Variants in WDR17 observed in about 807,000 individuals in gnomAD.
The protein encoded by WDR17 is WD repeat-containing protein 17.
WDR17 carries 143 observed loss-of-function variants against 161.7 expected under a neutral mutation model. The observed-to-expected ratio is 0.88, with a 90% CI of 0.77 to 1.02. The LOEUF (loss-of-function observed/expected upper bound fraction) is 1.02. Ranked by LOEUF, WDR17 falls within the 50% of genes least tolerant of loss-of-function variation. WDR17 has a pLI of 0.00. For missense variants in WDR17, 1,469 were observed against 1,520.9 expected (o/e 0.97, Z 0.57); for synonymous variants, 517 against 515.6 (o/e 1.00, Z -0.04).
intron 27 of WDR17, 41 bp from the exon 28 acceptor site, chr4:176,177,430 G>T: frequency 6.8e-7 from 1 of 1,478,584 alleles, no homozygotes; most frequent in South Asian, 1.4e-5. Context: ...AAAATTCTGT[G>T]ATTCGACAAA....
chr4:176,108,109 G>C (rs1310207696), intron 1 of WDR17, among the ~76,000 whole-genome samples: 3 of 151,816 alleles, frequency 2.0e-5, no homozygotes, highest in African/African-American at 7.3e-5. Flanking sequence ...CATGGTCATA[G>C]CGCACTGCAA....
At position 176,125,120 on chromosome 4, in the gene WDR17, A is replaced by G; in HGVS notation, c.555A>G (p.Lys185=). 6.2e-7 allele frequency: 1 copy of G among 1,613,964 alleles called. No homozygotes were observed. Among genetic ancestry groups the G allele is most frequent in the East Asian group, 2.2e-5 (1 of 44,876 alleles). ...TTTTAACAGGTAATAAAAATCAGAA[A>G]CATGTTTTGAGACCAGAATCTCTTG... ...SIFHPGNKNQ[K]HVLRPESLEG... is the part of the protein sequence containing the mutation. Residue 185 remains lysine, a synonymous_variant, in exon 5 of 29, where the codon AAA becomes AAG. Transcript: ENST00000508596.
At chr4:176,108,275 A>G (rs146999147) in intron 1 of WDR17, among the ~76,000 whole-genome samples, 257 of 152,350 alleles carry the variant, frequency 1.7e-3, no homozygotes, top group African/African-American at 6.0e-3. Context: ...ATGAAAAGAC[A>G]TGAAGCCAAA....
intron 1 of WDR17, among the ~76,000 whole-genome samples, chr4:176,084,447 C>G (rs1191850964): frequency 6.6e-6 from 1 of 152,038 alleles, no homozygotes; most frequent in Non-Finnish European, 1.5e-5. Context: ...AGAGAGCTGC[C>G]TCTATAATAC....
At chr4:176,091,660 T>G (rs1407796714) in intron 1 of WDR17, among the ~76,000 whole-genome samples, 3 of 151,732 alleles carry the variant, frequency 2.0e-5, no homozygotes, top group African/African-American at 4.8e-5. Flanking sequence ...TAAATGAAAT[T>G]GAAACAAATA....
chr4:176,140,388 A>G (rs1396474108), intron 10 of WDR17, among the ~76,000 whole-genome samples: 1 of 151,528 alleles, frequency 6.6e-6, no homozygotes, highest in African/African-American at 2.4e-5. Context: ...AGATGCTTTT[A>G]TTTATAAAGG....
At position 176,132,136 on chromosome 4, in the gene WDR17, A is replaced by G. The variant is rs1201239011; in HGVS notation, c.1098+398A>G. On this transcript the variant is annotated intron_variant, in intron 7 of 28. Coordinates refer to ENST00000508596, the MANE Select transcript of WDR17 (RefSeq NM_181265.4). ...ATTATGTTTTCTAAGATTTGTTTCT[A>G]TTGTTGAATCGCTATGATACTTAAG... is the stretch of plus-strand genomic sequence containing the variant. Among the ~76,000 whole-genome samples, 3 of 151,984 alleles carry G rather than the reference A, an allele frequency of 2.0e-5. No individual in the cohort carries two copies. In the East Asian group the frequency reaches 5.8e-4, roughly 29 times the overall value.
At chr4:176,111,970 A>G (rs1052517809) in intron 2 of WDR17, among the ~76,000 whole-genome samples, 1 of 152,194 alleles carries the variant, frequency 6.6e-6, no homozygotes, top group Non-Finnish European at 1.5e-5. Context: ...AGATCATTAT[A>G]GTAAAATTAG....
At chr4:176,091,883 A>G (rs1161439764) in intron 1 of WDR17, among the ~76,000 whole-genome samples, 3 of 152,176 alleles carry the variant, frequency 2.0e-5, no homozygotes, top group African/African-American at 4.8e-5. Flanking sequence ...CACGCAACCT[A>G]CAAAGACTGA....
At chr4:176,174,755 C>A in intron 26 of WDR17, 37 bp downstream of exon 26, 2 of 1,383,588 alleles carry the variant, frequency 1.4e-6, no homozygotes, top group Non-Finnish European at 2.0e-6. Context: ...GACATTAGAG[C>A]AATTTCTCTT....
chr4:176,160,147 C>T (rs1181980970), intron 19 of WDR17, 21 bp downstream of exon 19: 2 of 1,611,300 alleles, frequency 1.2e-6, no homozygotes, highest in Non-Finnish European at 1.7e-6. Context: ...AGAACTACCC[C>T]AGTCACATAC....
At chr4:176,101,453 A>T (rs1737815510) in intron 1 of WDR17, among the ~76,000 whole-genome samples, 2 of 152,206 alleles carry the variant, frequency 1.3e-5, no homozygotes, top group Non-Finnish European at 2.9e-5. Context: ...GAAGAGACAG[A>T]TAAAGCATCA....
intron 1 of WDR17, among the ~76,000 whole-genome samples, chr4:176,090,400 G>T (rs1003834514): frequency 7.9e-5 from 12 of 151,938 alleles, no homozygotes; most frequent in African/African-American, 2.9e-4. Flanking sequence ...GCAAATTCTG[G>T]TGTCATGCTT....
chr4:176,090,335 C>T (rs1735963300), intron 1 of WDR17, among the ~76,000 whole-genome samples: 1 of 151,820 alleles, frequency 6.6e-6, no homozygotes, highest in Non-Finnish European at 1.5e-5. Flanking sequence ...TCTGCGCACA[C>T]CAGCTCCTCT....
intron 11 of WDR17, among the ~76,000 whole-genome samples, chr4:176,144,337 A>G (rs1359777770): frequency 6.6e-6 from 1 of 152,218 alleles, no homozygotes; most frequent in South Asian, 2.1e-4. Flanking sequence ...ACCCTCTGAA[A>G]TGTAAGCCCT....
intron 1 of WDR17, among the ~76,000 whole-genome samples, chr4:176,107,546 GAC>G (rs979378663): frequency 1.3e-5 from 2 of 151,204 alleles, no homozygotes; most frequent in Admixed American, 6.6e-5. Context: ...ACAAATCACA[GAC>G]ACGTGGATAA....
intron 1 of WDR17, among the ~76,000 whole-genome samples, chr4:176,095,607 A>AC (rs1736729634): frequency 6.7e-6 from 1 of 150,332 alleles, no homozygotes; most frequent in African/African-American, 2.4e-5. Flanking sequence ...CCCCTCCCCT[A>AC]CCCTCCTTCC....
intron 23 of WDR17, among the ~76,000 whole-genome samples, chr4:176,170,856 A>G (rs1395968789): frequency 6.6e-6 from 1 of 152,222 alleles, no homozygotes; most frequent in Admixed American, 6.5e-5. Context: ...TCGACTTACC[A>G]TGGGGTTACA....
At chr4:176,098,539 A>AATCATGAATTG (rs1297862785) in intron 1 of WDR17, among the ~76,000 whole-genome samples, 9 of 151,982 alleles carry the variant, frequency 5.9e-5, no homozygotes, top group Admixed American at 5.9e-4. Flanking sequence ...AGTAATGCAG[A>AATCATGAATTG]ATCATGAATT....
Sources: gnomAD v4.1 joint callset for allele counts (sites outside exome capture counted in the v4.1 genomes callset) on GRCh38, gnomAD v4.1.1 for gene constraint, MANE v1.5 for transcripts, NCBI Gene and HGNC (gene_info 2026-07-23, HGNC 2026-07-21) for gene names.